SLC24A2: variants seen among roughly 807,000 people sequenced by gnomAD.
SLC24A2 encodes sodium/potassium/calcium exchanger 2.
Under a neutral mutation model 62.0 loss-of-function variants are expected in SLC24A2, and 36 were observed. That is an observed-to-expected ratio of 0.58 (90% CI 0.44 to 0.77). The LOEUF (loss-of-function observed/expected upper bound fraction) is 0.77. Among genes scored for constraint, SLC24A2 ranks in the 30% least tolerant of loss-of-function variants. The pLI, the probability that SLC24A2 is intolerant of heterozygous loss-of-function variation, is 0.00. For synonymous variants in SLC24A2, 358 were observed against 294.0 expected, an observed-to-expected ratio of 1.22 and a Z score of -2.23; for missense variants, 846 against 817.9, an observed-to-expected ratio of 1.03 and a Z score of -0.42.
At chr9:19,721,048 T>C (rs1440074867) in intron 2 of SLC24A2, among the ~76,000 whole-genome samples, 1 of 152,166 alleles carries the variant, frequency 6.6e-6, no homozygotes, top group Non-Finnish European at 1.5e-5. Flanking sequence ...CTGATCCTTC[T>C]TCCCATAAGT....
the SLC24A2 span, among the ~76,000 whole-genome samples, chr9:19,806,681 GAGA>G: frequency 6.6e-6 from 1 of 152,160 alleles, no homozygotes; most frequent in African/African-American, 2.4e-5. Context: ...ATTAGAAGGG[GAGA>G]AGGTCTAGTC....
chr9:20,108,412 G>A, the SLC24A2 span, among the ~76,000 whole-genome samples: 18 of 152,108 alleles, frequency 1.2e-4, no homozygotes, highest in African/African-American at 3.4e-4. Context: ...TGTTTATTGC[G>A]GCACTATTCA....
the SLC24A2 span, among the ~76,000 whole-genome samples, chr9:20,175,594 T>C: frequency 6.6e-6 from 1 of 151,990 alleles, no homozygotes; most frequent in African/African-American, 2.4e-5. Flanking sequence ...CAATGCAAGA[T>C]ACACTAAAAA....
In SLC24A2 at chr9:19,509,731, C is replaced by T. The variant is rs957470806; in HGVS notation, c.*6422G>A. 31 of 152,172 alleles carry T rather than the reference C, an allele frequency of 2.0e-4. No individual in the cohort carries two copies. The highest frequency in any genetic ancestry group is 7.2e-4 in the African/African-American group (30 of 41,528). The allele number at this position is 152,172 out of a possible 1,614,324, so 9.4% of individuals were successfully genotyped here. On this transcript the variant is annotated 3_prime_UTR_variant, in exon 11 of 11. Transcript: ENST00000341998. ...TTTTTTACTTTTCTGTTTTTTATGA[C>T]ATGATTTTAAAAATTAGTATTTTCT...
chr9:20,199,903 T>G, the SLC24A2 span, among the ~76,000 whole-genome samples: 23 of 142,290 alleles, frequency 1.6e-4, no homozygotes, highest in African/African-American at 5.7e-4. Flanking sequence ...TTTTTTTTTT[T>G]GTATTTTTAT....
chr9:20,159,265 C>T, the SLC24A2 span, among the ~76,000 whole-genome samples: 6 of 151,716 alleles, frequency 4.0e-5, no homozygotes, highest in South Asian at 2.1e-4. Flanking sequence ...CCCCCATTAA[C>T]GCCCCTCTTA....
chr9:19,946,483 G>A, the SLC24A2 span, among the ~76,000 whole-genome samples: 1 of 152,202 alleles, frequency 6.6e-6, no homozygotes, highest in Non-Finnish European at 1.5e-5. Context: ...GAATTCAACT[G>A]AAGGCTTTAA....
chr9:19,833,095 T>G, the SLC24A2 span, among the ~76,000 whole-genome samples: 2 of 152,052 alleles, frequency 1.3e-5, no homozygotes, highest in African/African-American at 4.8e-5. Context: ...GAAACGATAT[T>G]GGGAGCCAAG....
the SLC24A2 span, among the ~76,000 whole-genome samples, chr9:20,024,233 T>C: frequency 2.6e-5 from 4 of 152,188 alleles, no homozygotes; most frequent in Non-Finnish European, 4.4e-5. Flanking sequence ...CGTCTGGATT[T>C]GGTTGAAAAT....
At chr9:19,535,919 A>G (rs749312126) in intron 8 of SLC24A2, among the ~76,000 whole-genome samples, 1 of 152,128 alleles carries the variant, frequency 6.6e-6, no homozygotes, top group South Asian at 2.1e-4. Flanking sequence ...TTGAATCTAT[A>G]AATTACTTTG....
At chr9:19,856,311 A>G in the SLC24A2 span, among the ~76,000 whole-genome samples, 2 of 152,256 alleles carry the variant, frequency 1.3e-5, no homozygotes, top group South Asian at 4.1e-4. Flanking sequence ...ACCTCAGCCC[A>G]GTTCTGTGCC....
At chr9:19,609,472 T>A (rs1032164780) in intron 4 of SLC24A2, among the ~76,000 whole-genome samples, 2 of 152,206 alleles carry the variant, frequency 1.3e-5, no homozygotes, top group Non-Finnish European at 2.9e-5. Context: ...TTGTACTTCT[T>A]TGTTGAAAGT....
At chr9:19,620,857 T>C (rs1468538414) in intron 3 of SLC24A2, among the ~76,000 whole-genome samples, 1 of 152,192 alleles carries the variant, frequency 6.6e-6, no homozygotes, top group Non-Finnish European at 1.5e-5. Flanking sequence ...AAAATACTAT[T>C]CTCCACTATG....
the SLC24A2 span, among the ~76,000 whole-genome samples, chr9:19,911,009 T>C: frequency 6.6e-6 from 1 of 151,484 alleles, no homozygotes; most frequent in African/African-American, 2.4e-5. Flanking sequence ...GCTGGTGTGC[T>C]GCACCCATTA....
the SLC24A2 span, among the ~76,000 whole-genome samples, chr9:20,205,594 T>G: frequency 7.5e-6 from 1 of 133,846 alleles, no homozygotes; most frequent in Admixed American, 9.3e-5. Context: ...GAGCTTGCAG[T>G]GAGCCAAGAT....
At chr9:19,809,357 C>T in the SLC24A2 span, among the ~76,000 whole-genome samples, 2 of 152,106 alleles carry the variant, frequency 1.3e-5, no homozygotes, top group Admixed American at 6.5e-5. Flanking sequence ...TAAATAAAGA[C>T]GTTAACATGT....
At chr9:19,712,235 G>C (rs1270135807) in intron 2 of SLC24A2, among the ~76,000 whole-genome samples, 1 of 152,200 alleles carries the variant, frequency 6.6e-6, no homozygotes. Flanking sequence ...TGGAGGAACT[G>C]AATGCTTAAT....
At chr9:19,521,170 G>A (rs1048151991) in intron 9 of SLC24A2, 110 bp from the exon 10 acceptor site, 2 of 958,994 alleles carry the variant, frequency 2.1e-6, no homozygotes, top group Non-Finnish European at 3.3e-6. Context: ...ACTGTGCTAT[G>A]CAAAGTGCTG....
At chr9:19,915,412 T>C in the SLC24A2 span, among the ~76,000 whole-genome samples, 1 of 152,176 alleles carries the variant, frequency 6.6e-6, no homozygotes, top group Non-Finnish European at 1.5e-5. Context: ...CAAGCTTTTG[T>C]GTGAACATAT....
Sources: allele counts gnomAD v4.1 joint callset (sites outside exome capture counted in the v4.1 genomes callset), GRCh38; gene constraint gnomAD v4.1.1; transcripts MANE v1.5; gene names NCBI Gene and HGNC (gene_info 2026-07-23, HGNC 2026-07-21).